SLC9A7: variants seen among roughly 807,000 people sequenced by gnomAD.
SLC9A7 encodes solute carrier family 9 member A7, also known as sodium/hydrogen exchanger 7.
SLC9A7 carries 19 observed loss-of-function variants against 52.6 expected under a neutral mutation model. The ratio of observed to expected loss-of-function variants is 0.36; its 90% CI spans 0.25 to 0.53. The LOEUF (loss-of-function observed/expected upper bound fraction) is 0.53, where lower values mean the gene tolerates loss of function less well. Among genes scored for constraint, SLC9A7 ranks in the 20% least tolerant of loss-of-function variants. The pLI, the probability that SLC9A7 is intolerant of heterozygous loss-of-function variation, is 0.91. For synonymous variants in SLC9A7, 226 were observed against 252.1 expected (o/e 0.90, Z 0.98); for missense variants, 455 against 597.9 (o/e 0.76, Z 2.49).
At chrX:46,650,285 G>A (rs750984899) in intron 10 of SLC9A7, among the ~76,000 whole-genome samples, 2 of 111,505 alleles carry the variant, frequency 1.8e-5, no homozygotes, top group Non-Finnish European at 3.8e-5. Context: ...TCAAGCCCCA[G>A]AAAAGTTCAC....
At chrX:46,697,639 T>C (rs1320999361) in intron 1 of SLC9A7, among the ~76,000 whole-genome samples, 1 of 111,705 alleles carries the variant, frequency 9.0e-6, no homozygotes, top group Non-Finnish European at 1.9e-5. Context: ...AGGATGTATA[T>C]CGCCTCAGTA....
At chrX:46,749,070 A>T (rs1403691111) in intron 1 of SLC9A7, among the ~76,000 whole-genome samples, 1 of 112,046 alleles carries the variant, frequency 8.9e-6, no homozygotes, top group East Asian at 2.8e-4. Flanking sequence ...CTCCTTCCTT[A>T]AACAGTCTGC....
At chrX:46,730,344 A>G (rs1945008280) in intron 1 of SLC9A7, among the ~76,000 whole-genome samples, 1 of 110,202 alleles carries the variant, frequency 9.1e-6, no homozygotes. Flanking sequence ...GGAAATCTAG[A>G]ACAACAATAG....
intron 16 of SLC9A7, among the ~76,000 whole-genome samples, chrX:46,607,756 C>T (rs1942774714): frequency 9.0e-6 from 1 of 111,629 alleles, no homozygotes; most frequent in Non-Finnish European, 1.9e-5. Context: ...CCCGCCACAT[C>T]CTCAGGTGGA....
At chrX:46,691,403 T>TAGTA (rs1458926781) in intron 1 of SLC9A7, among the ~76,000 whole-genome samples, 5 of 112,266 alleles carry the variant, frequency 4.5e-5, no homozygotes, top group Non-Finnish European at 9.4e-5. Context: ...TTTTGTCTGG[T>TAGTA]AGTAATGAGG....
At chrX:46,664,950 T>C (rs1384916146) in intron 5 of SLC9A7, among the ~76,000 whole-genome samples, 1 of 110,418 alleles carries the variant, frequency 9.1e-6, no homozygotes, top group Non-Finnish European at 1.9e-5. Flanking sequence ...AATAAACACG[T>C]ACATAGCACT....
At chrX:46,737,097 T>C (rs1945133390) in intron 1 of SLC9A7, among the ~76,000 whole-genome samples, 2 of 111,643 alleles carry the variant, frequency 1.8e-5, no homozygotes, top group Admixed American at 1.9e-4. Context: ...TTTCCACCAG[T>C]AGTCTCACTT....
At chrX:46,650,760 A>G (rs1204621696) in intron 10 of SLC9A7, among the ~76,000 whole-genome samples, 7 of 111,917 alleles carry the variant, frequency 6.3e-5, no homozygotes, top group African/African-American at 2.3e-4. Context: ...TAGATTCACC[A>G]AGAAGAGCAC....
chrX:46,656,923 G>C (rs1397496255), intron 7 of SLC9A7, among the ~76,000 whole-genome samples: 76 of 104,172 alleles, frequency 7.3e-4, no homozygotes, highest in Middle Eastern at 4.7e-3. Flanking sequence ...ATAATTGTCA[G>C]ATTCACCAAA....
At chrX:46,737,339 A>G (rs1424620605) in intron 1 of SLC9A7, among the ~76,000 whole-genome samples, 2 of 111,903 alleles carry the variant, frequency 1.8e-5, no homozygotes, top group Admixed American at 1.9e-4. Flanking sequence ...TGAGCAATTC[A>G]TTACAAATTT....
At chrX:46,739,746 T>A (rs1921197670) in intron 1 of SLC9A7, among the ~76,000 whole-genome samples, 1 of 111,747 alleles carries the variant, frequency 8.9e-6, no homozygotes, top group Admixed American at 9.5e-5. Context: ...TTTCCCCAAC[T>A]TTGCTGGGAG....
At chrX:46,704,816 C>T (rs1807070045) in intron 1 of SLC9A7, among the ~76,000 whole-genome samples, 1 of 111,106 alleles carries the variant, frequency 9.0e-6, no homozygotes, top group South Asian at 3.8e-4. Context: ...GGCCGGGACA[C>T]AGTATCTTCC....
chrX:46,748,510 G>A (rs1180342810), intron 1 of SLC9A7, among the ~76,000 whole-genome samples: 1 of 104,916 alleles, frequency 9.5e-6, no homozygotes, highest in Admixed American at 1.0e-4. Flanking sequence ...GAAATAACCC[G>A]AGTGTCCACC....
intron 3 of SLC9A7, among the ~76,000 whole-genome samples, chrX:46,677,497 A>T (rs1447993607): frequency 2.7e-5 from 3 of 112,483 alleles, no homozygotes; most frequent in Non-Finnish European, 5.6e-5. Flanking sequence ...TGAGTTGGAA[A>T]CCTGGAGGAG....
rs777023880 is a variant in SLC9A7 at position 46,708,508 on chromosome X, C to T, written c.326-25973G>A. Among the ~76,000 whole-genome samples the T allele has an allele frequency of 4.2e-3, 454 of 108,207 alleles. 3 individuals are homozygous for T. The highest frequency in any genetic ancestry group is 6.5e-3 in the Non-Finnish European group (339 of 52,082). The allele number at this position is 108,207 out of a possible 115,157, so 94.0% of individuals were successfully genotyped here. Reference sequence around the variant, plus strand: ...TCGCACCACTGCACTCCAGCCTGGGCGACAGAGTGAGACTCCGTCTCAAAA... The same window carrying T: ...TCGCACCACTGCACTCCAGCCTGGGTGACAGAGTGAGACTCCGTCTCAAAA... On this transcript the variant is annotated intron_variant, in intron 1 of 16. Transcript: ENST00000616978.
intron 7 of SLC9A7, among the ~76,000 whole-genome samples, chrX:46,661,215 A>T (rs1344608491): frequency 9.7e-6 from 1 of 102,768 alleles, no homozygotes; most frequent in African/African-American, 3.6e-5. Flanking sequence ...CACTCTGGGG[A>T]CTGTTGTGGG....
At chrX:46,725,545 C>G (rs1258730600) in intron 1 of SLC9A7, 3 of 960,913 alleles carry the variant, frequency 3.1e-6, no homozygotes, top group Non-Finnish European at 4.5e-6. Flanking sequence ...GTATAATTGG[C>G]TTGTTCTATG....
intron 1 of SLC9A7, among the ~76,000 whole-genome samples, chrX:46,695,997 T>TTATG (rs1285879936): frequency 3.6e-5 from 4 of 110,480 alleles, no homozygotes; most frequent in African/African-American, 1.3e-4. Flanking sequence ...ATTTATTTAT[T>TTATG]TATTTATAGA....
At chrX:46,698,434 T>C (rs1944481526) in intron 1 of SLC9A7, among the ~76,000 whole-genome samples, 1 of 112,449 alleles carries the variant, frequency 8.9e-6, no homozygotes, top group African/African-American at 3.2e-5. Flanking sequence ...TTGGGGCAAC[T>C]TCCCTGACAG....
Sources: allele counts gnomAD v4.1 joint callset (sites outside exome capture counted in the v4.1 genomes callset), GRCh38; gene constraint gnomAD v4.1.1; transcripts MANE v1.5; gene names NCBI Gene and HGNC (gene_info 2026-07-23, HGNC 2026-07-21).